SEMA3E: variants seen among roughly 807,000 people sequenced by gnomAD.
SEMA3E encodes semaphorin-3E.
SEMA3E carries 49 observed loss-of-function variants against 93.6 expected under a neutral mutation model. That is an observed-to-expected ratio of 0.52 (90% CI 0.42 to 0.66). The LOEUF (loss-of-function observed/expected upper bound fraction) is 0.66. SEMA3E is among the 30% of genes least tolerant of loss of function. SEMA3E has a pLI of 0.00. For missense variants in SEMA3E, 906 were observed against 964.8 expected (o/e 0.94, Z 0.81); for synonymous variants, 363 against 330.7 (o/e 1.10, Z -1.06).
intron 1 of SEMA3E, among the ~76,000 whole-genome samples, chr7:83,539,096 G>A (rs1314615885): frequency 6.6e-6 from 1 of 152,126 alleles, no homozygotes; most frequent in Non-Finnish European, 1.5e-5. Context: ...GTTTTGTTTG[G>A]AAACATTCTA....
At chr7:83,637,866 G>C (rs946502932) in intron 1 of SEMA3E, among the ~76,000 whole-genome samples, 4 of 150,538 alleles carry the variant, frequency 2.7e-5, no homozygotes, top group African/African-American at 9.8e-5. Context: ...CTTACAAGGC[G>C]GTAGGACAGT....
rs529490109 is a variant in SEMA3E at position 83,595,774 on chromosome 7, A to T, written c.115+52654T>A. On this transcript the variant is annotated intron_variant, in intron 1 of 16. Coordinates refer to ENST00000643230, the MANE Select transcript of SEMA3E (RefSeq NM_012431.3). ...CCACAGAGAGGAATCACATCTCGGT[A>T]CATCACGGTAGGAAGTTTATGATTT... 6.6e-5 allele frequency among the ~76,000 whole-genome samples: 10 copies of T among 152,094 alleles called. No individual in the cohort carries two copies. In the South Asian group the frequency reaches 2.1e-3, roughly 32 times the overall value.
rs372307036 is a variant in SEMA3E, at chr7:83,648,383, C to CT, written c.115+44dup. The CT allele has an allele frequency of 0.046, 51,811 of 1,138,046 alleles. 282 individuals are homozygous for CT. Among genetic ancestry groups the CT allele is most frequent in the African/African-American group, 0.13 (7,358 of 58,760 alleles). The allele number at this position is 1,138,046 out of a possible 1,614,324, so 70.5% of individuals were successfully genotyped here. A position where few individuals can be genotyped will look rare whatever the true frequency, so the allele number is the denominator to read the frequency against. ...GACTTTTTTTTTCTTTTTTCTTTTT[C>CT]TTTTTTTTTTTTTTTAAACAAAAGG... On this transcript the variant is annotated intron_variant, in intron 1 of 16. Transcript: ENST00000643230.
intron 1 of SEMA3E, among the ~76,000 whole-genome samples, chr7:83,540,011 G>C (rs1301514022): frequency 2.0e-5 from 3 of 151,968 alleles, no homozygotes; most frequent in Admixed American, 1.3e-4. Context: ...CTCCCAAGTA[G>C]CTGGGACTAC....
intron 1 of SEMA3E, among the ~76,000 whole-genome samples, chr7:83,628,165 A>G (rs555547291): frequency 6.6e-6 from 1 of 152,298 alleles, no homozygotes; most frequent in South Asian, 2.1e-4. Flanking sequence ...TCTGGCTTGT[A>G]GGGCTTCTGC....
intron 1 of SEMA3E, among the ~76,000 whole-genome samples, chr7:83,599,778 GC>G (rs1792944897): frequency 6.6e-6 from 1 of 152,114 alleles, no homozygotes; most frequent in Non-Finnish European, 1.5e-5. Context: ...ACCCAGCCTT[GC>G]ATGAGGTCTT....
chr7:83,430,395 A>G (rs1048878929), intron 4 of SEMA3E, among the ~76,000 whole-genome samples: 4 of 152,016 alleles, frequency 2.6e-5, no homozygotes, highest in African/African-American at 9.6e-5. Context: ...AACCCAGGAG[A>G]CAGAGGTTAC....
chr7:83,464,022 CAT>C (rs2115870544), intron 4 of SEMA3E, among the ~76,000 whole-genome samples: 1 of 152,266 alleles, frequency 6.6e-6, no homozygotes, highest in Admixed American at 6.5e-5. Context: ...TTCTGTCAGA[CAT>C]AATTCCTCAG....
intron 1 of SEMA3E, among the ~76,000 whole-genome samples, chr7:83,505,874 G>T (rs1384723239): frequency 2.0e-5 from 3 of 151,494 alleles, no homozygotes; most frequent in East Asian, 3.9e-4. Context: ...AATTAGCCGG[G>T]TGTGGTGCCA....
At chr7:83,533,893 T>G (rs1044035690) in intron 1 of SEMA3E, among the ~76,000 whole-genome samples, 15 of 152,180 alleles carry the variant, frequency 9.9e-5, no homozygotes, top group Non-Finnish European at 2.1e-4. Flanking sequence ...TTTAGGCTAT[T>G]GTCCTAAAGA....
chr7:83,507,943 C>T (rs564631530), intron 1 of SEMA3E, among the ~76,000 whole-genome samples: 10 of 152,014 alleles, frequency 6.6e-5, no homozygotes, highest in Middle Eastern at 3.4e-3. Flanking sequence ...AAGCAAAACC[C>T]TGTCTCACAA....
chr7:83,514,831 A>ATT (rs879434594), intron 1 of SEMA3E, among the ~76,000 whole-genome samples: 2 of 151,430 alleles, frequency 1.3e-5, no homozygotes, highest in African/African-American at 4.8e-5. Flanking sequence ...ATCCATCAGG[A>ATT]TTTTTTTTTA....
intron 5 of SEMA3E, among the ~76,000 whole-genome samples, chr7:83,416,565 T>C (rs1051041054): frequency 6.6e-6 from 1 of 152,110 alleles, no homozygotes. Context: ...AGAAGCAGCA[T>C]ATACTGTGTA....
In SEMA3E at chr7:83,423,609, T is replaced by A. The variant is rs1055332104; in HGVS notation, c.457-5126A>T. Among the ~76,000 whole-genome samples, 3 of 151,336 alleles carry A rather than the reference T, an allele frequency of 2.0e-5. No homozygotes were observed. In the South Asian group the frequency reaches 6.3e-4, roughly 32 times the overall value. ...AGCTCTGCCTCCCGGGTTCATGCCA[T>A]TCTCCTGCCTCAGCCTCCCGAGTAG... On this transcript the variant is annotated intron_variant, in intron 4 of 16. Coordinates refer to ENST00000643230, the MANE Select transcript of SEMA3E (RefSeq NM_012431.3).
intron 1 of SEMA3E, among the ~76,000 whole-genome samples, chr7:83,502,766 A>T (rs1252841396): frequency 6.6e-6 from 1 of 152,184 alleles, no homozygotes; most frequent in East Asian, 1.9e-4. Context: ...GACAAGGAAC[A>T]TGTTCCATAA....
intron 1 of SEMA3E, among the ~76,000 whole-genome samples, chr7:83,627,352 G>A (rs1396581279): frequency 6.6e-6 from 1 of 152,116 alleles, no homozygotes; most frequent in Admixed American, 6.5e-5. Context: ...CTCTTTGTAA[G>A]TCTCTAAGAA....
intron 1 of SEMA3E, among the ~76,000 whole-genome samples, chr7:83,492,319 C>G (rs1790403360): frequency 6.6e-6 from 1 of 151,908 alleles, no homozygotes; most frequent in Non-Finnish European, 1.5e-5. Context: ...CTAGGGATGA[C>G]CTTGCCTGCT....
At chr7:83,432,176 AT>A (rs1341326503) in intron 4 of SEMA3E, among the ~76,000 whole-genome samples, 1 of 152,082 alleles carries the variant, frequency 6.6e-6, no homozygotes, top group African/African-American at 2.4e-5. Context: ...AAAATTGTGG[AT>A]GAGAAACAAG....
intron 16 of SEMA3E, chr7:83,372,177 G>C (rs758834149): frequency 1.5e-5 from 6 of 397,152 alleles, no homozygotes; most frequent in Non-Finnish European, 2.7e-5. Flanking sequence ...AAAACTTCCA[G>C]GTAAATCCAA....
Sources: gnomAD v4.1 joint callset for allele counts (sites outside exome capture counted in the v4.1 genomes callset) on GRCh38, gnomAD v4.1.1 for gene constraint, MANE v1.5 for transcripts, NCBI Gene and HGNC (gene_info 2026-07-23, HGNC 2026-07-21) for gene names.